The following POLR1A variants were observed in gnomAD, a reference collection of about 807,000 sequenced individuals.
The protein encoded by POLR1A is RNA polymerase I subunit A, also known as DNA-directed RNA polymerase I subunit RPA1.
POLR1A carries 84 observed loss-of-function variants against 205.3 expected under a neutral mutation model. The observed-to-expected ratio is 0.41, with a 90% CI of 0.34 to 0.49. POLR1A has a LOEUF of 0.49. POLR1A is among the 20% of genes least tolerant of loss of function. POLR1A has a pLI of 0.22. For missense variants in POLR1A, 1,645 were observed against 2,204.5 expected (o/e 0.75, Z 5.08); for synonymous variants, 799 against 863.7 (o/e 0.93, Z 1.31).
chr2:86,070,159 C>T lies in POLR1A; in HGVS notation c.1725G>A (p.Leu575=). The T allele has an allele frequency of 6.2e-7, 1 of 1,614,204 alleles. No individual in the cohort carries two copies. Among genetic ancestry groups the T allele is most frequent in the African/African-American group, 1.3e-5 (1 of 75,064 alleles). ...CCTTGCAGTTGGCATAGTGGAGCCG[C>T]AGCACTTTCTCTTCAGGCAGGATGC... ...RARILPEEKV[L]RLHYANCKAY... is the part of the protein sequence containing the mutation. The change falls in exon 13 of 34, where the codon CTG becomes CTA. Residue 575 remains leucine (L), a synonymous_variant. Transcript: ENST00000263857. The surrounding 1 kb of genome is among the most constrained non-coding windows in gnomAD (Gnocchi z 4.4).
rs1378464538 is a variant in POLR1A, at chr2:86,043,139, T to A, written c.3192A>T (p.Lys1064Asn). ...TGATAGCTCTGAAGTGGTGGAGAGC[T>A]TTTTTGGGATCTGCTCTGGATAAAA... ...HEVLSRADPK[K>N]ALHHFRAIKK... Residue 1064 changes from lysine to asparagine, a missense_variant, in exon 23 of 34, where the codon AAA becomes AAT. Around this residue, in one of 16 missense-constraint regions of POLR1A, gnomAD observed 201 missense variants for 222.3 expected, o/e 0.90. Coordinates refer to ENST00000263857, the MANE Select transcript of POLR1A (RefSeq NM_015425.6). 1 of 1,613,882 alleles carries A rather than the reference T, an allele frequency of 6.2e-7. No homozygotes were observed. Among genetic ancestry groups the A allele is most frequent in the East Asian group, 2.2e-5 (1 of 44,888 alleles).
intron 13 of POLR1A, among the ~76,000 whole-genome samples, chr2:86,069,546 A>T (rs767610862): frequency 7.9e-5 from 12 of 152,224 alleles, no homozygotes; most frequent in Non-Finnish European, 1.8e-4. Flanking sequence ...AAGGATTCAA[A>T]GGGGACAGAA....
chr2:86,065,334 C>T lies in POLR1A; in HGVS notation c.1998G>A (p.Gly666=), dbSNP rs1171778888. 2.5e-6 allele frequency: 4 copies of T among 1,614,022 alleles called. No individual in the cohort carries two copies. The highest frequency in any genetic ancestry group is 1.1e-5 in the South Asian group (1 of 91,082). ...TGGAAGGAGAAAGGAGCTTCACGCG[C>T]CCCACTTTGTCCGTGAGTCCTCGGT... ...LVYRGLTDKV[G]RVKLLSPSIL... The change falls in exon 14 of 34, where the codon GGG becomes GGA. Residue 666 remains glycine (G), a synonymous_variant. Transcript: ENST00000263857.
rs1263249508 is a variant in POLR1A at position 86,023,267 on chromosome 2, A to G, written c.*4156T>C. The G allele has an allele frequency of 6.6e-6, 1 of 152,206 alleles. No individual in the cohort carries two copies. Among genetic ancestry groups the G allele is most frequent in the Non-Finnish European group, 1.5e-5 (1 of 68,034 alleles). 9.4% of individuals were successfully genotyped at this position (152,206 alleles called of 1,614,324 possible). ...TGACCTATCTAAACTACACAACCTC[A>G]AGGGCAGGCTGTGGTACGGGGCTGC... On this transcript the variant is annotated 3_prime_UTR_variant, in exon 34 of 34. Coordinates refer to ENST00000263857, the MANE Select transcript of POLR1A (RefSeq NM_015425.6).
In POLR1A at chr2:86,045,168, A is replaced by C. The variant is rs565437359; in HGVS notation, c.2969+110T>G. 56 of 745,760 alleles carry C rather than the reference A, an allele frequency of 7.5e-5. 1 individual carries two copies. The African/African-American group carries it at 9.0e-4, about 12-fold the overall frequency. 46.2% of individuals were successfully genotyped at this position (745,760 alleles called of 1,614,324 possible). On this transcript the variant is annotated intron_variant, in intron 21 of 33. Coordinates refer to ENST00000263857, the MANE Select transcript of POLR1A (RefSeq NM_015425.6). ...TCAGGCCATTCATGGAAACTTTCCA[A>C]AAGTTTTTTCATCCAAGGAATCTTA...
chr2:86,059,401 G>A (rs1049958973), intron 14 of POLR1A, among the ~76,000 whole-genome samples: 1 of 152,124 alleles, frequency 6.6e-6, no homozygotes, highest in Non-Finnish European at 1.5e-5. Context: ...CAAATCTGAG[G>A]TCCATGTGCC....
intron 3 of POLR1A, among the ~76,000 whole-genome samples, chr2:86,094,745 TATCCTTAAGTATGTATTCG>T (rs1280907878): frequency 1.3e-5 from 2 of 152,232 alleles, no homozygotes; most frequent in African/African-American, 2.4e-5. Flanking sequence ...TGGCCCCCAT[TATCCTTAAGTATGTATTCG>T]ATCAATTAAG....
intron 14 of POLR1A, among the ~76,000 whole-genome samples, chr2:86,064,103 C>G (rs1673046625): frequency 6.6e-6 from 1 of 152,146 alleles, no homozygotes; most frequent in South Asian, 2.1e-4. Context: ...GGAAATAGGT[C>G]CAGGTTTTGC....
rs1400234767 is a variant in POLR1A at position 86,023,707 on chromosome 2, A to T, written c.*3716T>A. 6.6e-6 allele frequency: 1 copy of T among 151,894 alleles called. No homozygotes were observed. Among genetic ancestry groups the T allele is most frequent in the Non-Finnish European group, 1.5e-5 (1 of 67,996 alleles). 9.4% of individuals were successfully genotyped at this position (151,894 alleles called of 1,614,324 possible). ...TAAAGAATTACCATATGATCCAGCA[A>T]TTCCACTTCTAGTATATATTCAAAG... On this transcript the variant is annotated 3_prime_UTR_variant, in exon 34 of 34. Transcript: ENST00000263857.
intron 12 of POLR1A, 64 bp downstream of exon 12, chr2:86,074,966 C>A: frequency 8.6e-7 from 1 of 1,161,862 alleles, no homozygotes; most frequent in South Asian, 1.4e-5. Context: ...CACCTGATGG[C>A]CACCAATCAC....
chr2:86,077,605 G>C (rs1673311609), intron 11 of POLR1A, among the ~76,000 whole-genome samples: 1 of 152,186 alleles, frequency 6.6e-6, no homozygotes, highest in African/African-American at 2.4e-5. Context: ...GTGCTGACTT[G>C]TTGGTAGGAG....
At chr2:86,102,988 C>G (rs1279021831) in intron 1 of POLR1A, among the ~76,000 whole-genome samples, 3 of 152,238 alleles carry the variant, frequency 2.0e-5, no homozygotes, top group Admixed American at 6.5e-5. Context: ...TATTCATACA[C>G]TCAACAAATA....
chr2:86,056,344 C>T (rs912051439), intron 14 of POLR1A, among the ~76,000 whole-genome samples: 1 of 151,280 alleles, frequency 6.6e-6, no homozygotes, highest in Admixed American at 6.6e-5. Flanking sequence ...CCCAGCTACT[C>T]GGGAGGCTGA....
At chr2:86,064,706 G>C (rs778580796) in intron 14 of POLR1A, among the ~76,000 whole-genome samples, 1 of 151,780 alleles carries the variant, frequency 6.6e-6, no homozygotes, top group Non-Finnish European at 1.5e-5. Flanking sequence ...TTTGTATTAT[G>C]AGGACACCAA....
rs376902057 is a variant in POLR1A, at chr2:86,049,009, C to T, written c.2509G>A (p.Ala837Thr). The T allele has an allele frequency of 3.3e-5, 54 of 1,614,030 alleles. No homozygotes were observed. Among genetic ancestry groups the T allele is most frequent in the South Asian group, 4.4e-5 (4 of 91,082 alleles). The change falls in exon 18 of 34, where the codon GCA becomes ACA. Residue 837 changes from alanine to threonine, a missense_variant. Transcript: ENST00000263857. ...TTTCCTCGGACCTCATCATATGATG[C>T]GGCTTCTGGCAGGTTTAATGCAGCC... ...VRAALNLPEA[A>T]SYDEVRGKWQ... is the part of the protein sequence containing the mutation.
At chr2:86,064,141 T>G (rs1673047204) in intron 14 of POLR1A, among the ~76,000 whole-genome samples, 1 of 152,192 alleles carries the variant, frequency 6.6e-6, no homozygotes, top group South Asian at 2.1e-4. Context: ...TTTTTTAGTG[T>G]GTCTCTAAAG....
At chr2:86,066,641 A>T (rs1440476790) in intron 13 of POLR1A, among the ~76,000 whole-genome samples, 1 of 152,216 alleles carries the variant, frequency 6.6e-6, no homozygotes, top group African/African-American at 2.4e-5. Context: ...TTTATAACTA[A>T]GGCTAAGGGA....
chr2:86,044,072 C>T, intron 22 of POLR1A, 67 bp downstream of exon 22: 1 of 1,522,882 alleles, frequency 6.6e-7, no homozygotes, highest in Non-Finnish European at 9.1e-7. Context: ...CAGCGCATTC[C>T]AGTTCTCTAA....
chr2:86,053,815 T>C (rs1672849491), intron 15 of POLR1A, among the ~76,000 whole-genome samples: 2 of 152,184 alleles, frequency 1.3e-5, no homozygotes, highest in African/African-American at 2.4e-5. Flanking sequence ...TGGAGCCTTA[T>C]ACCAGTTTGA....
Sources: gnomAD v4.1 joint callset for allele counts (sites outside exome capture counted in the v4.1 genomes callset) on GRCh38, gnomAD v4.1.1 for gene constraint, gnomAD v4.1.1 regional missense constraint, Gnocchi (gnomAD v3.1) non-coding constraint, MANE v1.5 for transcripts, NCBI Gene and HGNC (gene_info 2026-07-23, HGNC 2026-07-21) for gene names.